The following GALNT14 variants were observed in gnomAD, a reference collection of about 807,000 sequenced individuals.
GALNT14 encodes the protein polypeptide N-acetylgalactosaminyltransferase 14, also known as UDP-GalNAc:polypeptide N-acetylgalactosaminyltransferase 14.
Under a neutral mutation model 77.5 loss-of-function variants are expected in GALNT14, and 60 were observed. That is an observed-to-expected ratio of 0.77 (90% CI 0.63 to 0.96). The LOEUF (loss-of-function observed/expected upper bound fraction) is 0.96, where lower values mean the gene tolerates loss of function less well. Among genes scored for constraint, GALNT14 ranks in the 40% least tolerant of loss-of-function variants. The pLI is 0.00. For synonymous variants in GALNT14, 280 were observed against 281.7 expected (o/e 0.99, Z 0.06); for missense variants, 710 against 731.0 (o/e 0.97, Z 0.33).
At chr2:30,906,418 G>A (rs1228254266), downstream of GALNT14, among the ~76,000 whole-genome samples, 1 of 148,734 alleles carries the variant, frequency 6.7e-6, no homozygotes, top group Non-Finnish European at 1.5e-5. Flanking sequence ...CCTAGTCTCT[G>A]ATAAAACAGA....
Position 31,057,867 on chromosome 2 carries a change from G to A in GALNT14, c.130-64860C>T, listed in dbSNP as rs531234854. On this transcript the variant is annotated intron_variant, in intron 1 of 14. Coordinates refer to ENST00000349752, the MANE Select transcript of GALNT14 (RefSeq NM_024572.4). Reference sequence around the variant, plus strand: ...GCCCTCTGGCTTAGGGTTGGGTTGAGCCTCAGCTGGTTGGAGGCACCTGCA... The same window carrying A: ...GCCCTCTGGCTTAGGGTTGGGTTGAACCTCAGCTGGTTGGAGGCACCTGCA... Among the ~76,000 whole-genome samples, 15 of 152,170 alleles carry A rather than the reference G, an allele frequency of 9.9e-5. No individual in the cohort carries two copies. The South Asian group carries it at 3.1e-3, about 32-fold the overall frequency.
At chr2:31,136,881 C>A (rs1573399837) in intron 1 of GALNT14, among the ~76,000 whole-genome samples, 1 of 152,146 alleles carries the variant, frequency 6.6e-6, no homozygotes, top group African/African-American at 2.4e-5. Flanking sequence ...ACACAGTAGG[C>A]CCTCTGTACT....
At chr2:31,026,501 C>T (rs2148470554) in intron 1 of GALNT14, among the ~76,000 whole-genome samples, 1 of 152,292 alleles carries the variant, frequency 6.6e-6, no homozygotes, top group Non-Finnish European at 1.5e-5. Context: ...TGCCCTGGCT[C>T]AGAGATGAGT....
At chr2:31,094,473 G>T (rs1233330775) in intron 1 of GALNT14, among the ~76,000 whole-genome samples, 2 of 152,184 alleles carry the variant, frequency 1.3e-5, no homozygotes, top group Non-Finnish European at 2.9e-5. Context: ...GCCATTTGGA[G>T]GCCATAACTG....
intron 1 of GALNT14, among the ~76,000 whole-genome samples, chr2:31,094,420 T>C (rs1676903205): frequency 6.6e-6 from 1 of 152,210 alleles, no homozygotes; most frequent in Non-Finnish European, 1.5e-5. Flanking sequence ...ACGCAAAGCC[T>C]GTTTGGTGGT....
chr2:31,005,847 C>T (rs1056248896), intron 1 of GALNT14, among the ~76,000 whole-genome samples: 6 of 152,186 alleles, frequency 3.9e-5, no homozygotes, highest in African/African-American at 7.2e-5. Flanking sequence ...TTTTAAGAAG[C>T]GTAATACATA....
In GALNT14 at chr2:31,138,393, T is replaced by TGCCGCCGCCGCC. The variant is rs547052626; in HGVS notation, c.-319_-308dup. On this transcript the variant is annotated 5_prime_UTR_variant, in exon 1 of 15. Coordinates refer to ENST00000349752, the MANE Select transcript of GALNT14 (RefSeq NM_024572.4). ...ATGTTCCCCACGCCGCCACCGCGGC[T>TGCCGCCGCCGCC]GCCGCCGCCGCCGCCGCCGCCTTGC... 909 of 341,228 alleles carry TGCCGCCGCCGCC rather than the reference T, an allele frequency of 2.7e-3. 15 individuals are homozygous for TGCCGCCGCCGCC. The highest frequency in any genetic ancestry group is 3.9e-3 in the Non-Finnish European group (721 of 185,980). 21.1% of individuals were successfully genotyped at this position (341,228 alleles called of 1,614,324 possible).
At chr2:31,133,882 C>A (rs532483730) in intron 1 of GALNT14, among the ~76,000 whole-genome samples, 1 of 152,108 alleles carries the variant, frequency 6.6e-6, no homozygotes, top group African/African-American at 2.4e-5. Flanking sequence ...ATGAAATTAA[C>A]GTTAAAAAGT....
rs770584179 is a variant in GALNT14 at position 30,924,110 on chromosome 2, T to A, written c.1380+9A>T. 1 of 1,614,188 alleles carries A rather than the reference T, an allele frequency of 6.2e-7. No homozygotes were observed. Among genetic ancestry groups the A allele is most frequent in the Non-Finnish European group, 8.5e-7 (1 of 1,180,012 alleles). On this transcript the variant is annotated intron_variant, in intron 13 of 14. Transcript: ENST00000349752. ...CACATGGTCCTGTATGCCCAGCCAGTTACTTTACCTGGGACTTTGCATCTT... is the reference window on the plus strand; with the variant it reads ...CACATGGTCCTGTATGCCCAGCCAGATACTTTACCTGGGACTTTGCATCTT...
intron 13 of GALNT14, among the ~76,000 whole-genome samples, chr2:30,913,703 C>G (rs1173160355): frequency 6.6e-6 from 1 of 152,096 alleles, no homozygotes; most frequent in Non-Finnish European, 1.5e-5. Flanking sequence ...AGAATGGCTC[C>G]TGCATTAGGA....
intron 1 of GALNT14, among the ~76,000 whole-genome samples, chr2:31,137,547 C>A (rs1163913297): frequency 6.6e-6 from 1 of 152,042 alleles, no homozygotes; most frequent in African/African-American, 2.4e-5. Flanking sequence ...CTGGCAGCTG[C>A]GGGAAGGAGG....
At chr2:31,044,653 C>T (rs1673315847) in intron 1 of GALNT14, among the ~76,000 whole-genome samples, 2 of 129,152 alleles carry the variant, frequency 1.5e-5, no homozygotes, top group African/African-American at 5.8e-5. Context: ...TGAGGTGACT[C>T]ATGCCTATAA....
intron 1 of GALNT14, among the ~76,000 whole-genome samples, chr2:31,035,801 T>G (rs1240548583): frequency 6.6e-6 from 1 of 151,914 alleles, no homozygotes; most frequent in African/African-American, 2.4e-5. Context: ...AAGCGGGAGC[T>G]AAATGATGAG....
chr2:31,111,701 C>T (rs1475255662), intron 1 of GALNT14, among the ~76,000 whole-genome samples: 1 of 152,088 alleles, frequency 6.6e-6, no homozygotes, highest in Non-Finnish European at 1.5e-5. Context: ...AAGCTTTTTA[C>T]CTTTTAAAAT....
chr2:31,042,398 A>T (rs1381834279), intron 1 of GALNT14, among the ~76,000 whole-genome samples: 1 of 152,198 alleles, frequency 6.6e-6, no homozygotes, highest in African/African-American at 2.4e-5. Flanking sequence ...ATGATGAATC[A>T]TAAAGGGAAT....
At chr2:31,108,625 G>A (rs768212727) in intron 1 of GALNT14, among the ~76,000 whole-genome samples, 57 of 152,214 alleles carry the variant, frequency 3.7e-4, no homozygotes, top group Non-Finnish European at 6.6e-4. Flanking sequence ...AAAGAATGAG[G>A]ATAAAAACAA....
rs751220235 is a variant in GALNT14, at chr2:30,945,877, G to C, written c.655-7C>G. On this transcript the variant is annotated splice_region_variant and splice_polypyrimidine_tract_variant and intron_variant, in intron 6 of 14. Transcript: ENST00000349752. Reference sequence around the variant, plus strand: ...ACACCACCCGCGTGTAGTCCTGTAAGACAACAGACCCGCACTTAGCTTATG... The same window carrying C: ...ACACCACCCGCGTGTAGTCCTGTAACACAACAGACCCGCACTTAGCTTATG... 5 of 1,613,206 alleles carry C rather than the reference G, an allele frequency of 3.1e-6. No homozygotes were observed. The highest frequency in any genetic ancestry group is 1.6e-4 in the Middle Eastern group (1 of 6,082).
At chr2:30,895,012 A>G in the GALNT14 span, among the ~76,000 whole-genome samples, 145 of 152,330 alleles carry the variant, frequency 9.5e-4, no homozygotes, top group African/African-American at 3.4e-3. Context: ...CATCAGCTTC[A>G]TGACCCCACA....
chr2:30,988,356 G>T (rs1057239270), intron 2 of GALNT14, among the ~76,000 whole-genome samples: 4 of 152,204 alleles, frequency 2.6e-5, no homozygotes, highest in African/African-American at 7.2e-5. Context: ...GGAACCAGAA[G>T]TCCAGAGTGG....
Sources: allele counts gnomAD v4.1 joint callset (sites outside exome capture counted in the v4.1 genomes callset), GRCh38; gene constraint gnomAD v4.1.1; transcripts MANE v1.5; gene names NCBI Gene and HGNC (gene_info 2026-07-23, HGNC 2026-07-21).